The following MBD5 variants were observed in gnomAD, a reference collection of about 807,000 sequenced individuals.
MBD5 encodes the protein methyl-CpG-binding domain protein 5.
MBD5 carries 13 observed loss-of-function variants against 117.3 expected under a neutral mutation model. That is an observed-to-expected ratio of 0.11 (90% CI 0.07 to 0.18). The LOEUF is 0.18. Among genes scored for constraint, MBD5 ranks in the 10% least tolerant of loss-of-function variants. The pLI, the probability that MBD5 is intolerant of heterozygous loss-of-function variation, is 1.00. For missense variants in MBD5, 1,879 were observed against 2,093.8 expected (o/e 0.90, Z 2.00); for synonymous variants, 727 against 766.4 (o/e 0.95, Z 0.85).
At chr2:148,389,362 T>A (rs1005651903) in intron 4 of MBD5, among the ~76,000 whole-genome samples, 1 of 144,362 alleles carries the variant, frequency 6.9e-6, no homozygotes, top group East Asian at 2.1e-4. Flanking sequence ...ATTCCATGAC[T>A]TTTGCTATTG....
intron 1 of MBD5, among the ~76,000 whole-genome samples, chr2:148,057,538 TAC>T (rs1351414906): frequency 6.6e-6 from 1 of 151,908 alleles, no homozygotes; most frequent in Non-Finnish European, 1.5e-5. Flanking sequence ...GATTTCTATG[TAC>T]ATTTAATGGC....
intron 3 of MBD5, among the ~76,000 whole-genome samples, chr2:148,309,024 G>A (rs1701964432): frequency 6.6e-6 from 1 of 152,036 alleles, no homozygotes; most frequent in Admixed American, 6.6e-5. Context: ...TATCTGTTTT[G>A]GTACCAGTAT....
intron 1 of MBD5, among the ~76,000 whole-genome samples, chr2:148,036,712 A>G (rs1238821351): frequency 2.0e-5 from 3 of 152,062 alleles, no homozygotes; most frequent in Non-Finnish European, 4.4e-5. Flanking sequence ...CTTAACTGTC[A>G]TTCTTAGTAT....
At chr2:148,390,563 G>A (rs906367065) in intron 4 of MBD5, among the ~76,000 whole-genome samples, 2 of 147,664 alleles carry the variant, frequency 1.4e-5, no homozygotes, top group Admixed American at 1.4e-4. Context: ...GTGTATGTGT[G>A]TATATATATA....
intron 1 of MBD5, chr2:148,027,739 C>G (rs1279292905): frequency 6.6e-6 from 1 of 152,090 alleles, no homozygotes; most frequent in Non-Finnish European, 1.5e-5. Context: ...TTTATTGACT[C>G]TATCGTCCTG....
At chr2:148,280,961 T>G (rs1243749784) in intron 3 of MBD5, among the ~76,000 whole-genome samples, 2 of 152,248 alleles carry the variant, frequency 1.3e-5, no homozygotes, top group Admixed American at 1.3e-4. Context: ...TAACTATTGT[T>G]ACTTTACAGA....
chr2:148,297,964 A>G (rs1701694527), intron 3 of MBD5, among the ~76,000 whole-genome samples: 1 of 152,226 alleles, frequency 6.6e-6, no homozygotes, highest in Non-Finnish European at 1.5e-5. Context: ...TGGAACTACT[A>G]GCCTGAAGCT....
intron 4 of MBD5, among the ~76,000 whole-genome samples, chr2:148,357,144 C>T (rs901403211): frequency 2.6e-5 from 4 of 152,122 alleles, no homozygotes; most frequent in Admixed American, 6.6e-5. Flanking sequence ...TTAAAAGGTG[C>T]TATTTTTGGC....
intron 4 of MBD5, among the ~76,000 whole-genome samples, chr2:148,402,131 T>G (rs1704942856): frequency 6.6e-6 from 1 of 152,152 alleles, no homozygotes; most frequent in South Asian, 2.1e-4. Flanking sequence ...ACTGTAAAGT[T>G]GCTATTTTCC....
intron 1 of MBD5, among the ~76,000 whole-genome samples, chr2:148,023,064 G>T (rs543388531): frequency 6.7e-6 from 1 of 148,984 alleles, no homozygotes; most frequent in Non-Finnish European, 1.5e-5. Context: ...ACTCTCTTTC[G>T]CTCGCTCTCT....
chr2:148,116,243 G>A (rs1696638577), intron 1 of MBD5, among the ~76,000 whole-genome samples: 1 of 151,648 alleles, frequency 6.6e-6, no homozygotes, highest in Admixed American at 6.6e-5. Context: ...GAAATATAGA[G>A]TTCTTTATAG....
At chr2:148,308,124 T>C (rs1260203193) in intron 3 of MBD5, among the ~76,000 whole-genome samples, 2 of 152,136 alleles carry the variant, frequency 1.3e-5, no homozygotes, top group Non-Finnish European at 2.9e-5. Context: ...GTCCTTATAA[T>C]AGAGTGATAT....
intron 1 of MBD5, among the ~76,000 whole-genome samples, chr2:148,045,151 A>G (rs1322168680): frequency 6.6e-6 from 1 of 152,192 alleles, no homozygotes; most frequent in Non-Finnish European, 1.5e-5. Flanking sequence ...CTTACTTTTG[A>G]TAAGCGTACT....
chr2:148,373,088 G>T (rs1703900281), intron 4 of MBD5, among the ~76,000 whole-genome samples: 1 of 151,982 alleles, frequency 6.6e-6, no homozygotes, highest in African/African-American at 2.4e-5. Flanking sequence ...TTTTGATATG[G>T]CTACAATATT....
intron 1 of MBD5, among the ~76,000 whole-genome samples, chr2:148,107,081 G>C (rs1696390406): frequency 6.6e-6 from 1 of 151,868 alleles, no homozygotes; most frequent in South Asian, 2.1e-4. Context: ...ATAATATCCT[G>C]TGAGGATATT....
intron 4 of MBD5, among the ~76,000 whole-genome samples, chr2:148,437,889 A>T (rs776324172): frequency 6.6e-6 from 1 of 152,206 alleles, no homozygotes; most frequent in Non-Finnish European, 1.5e-5. Flanking sequence ...AAAAGCCTTA[A>T]TAGGTCACCA....
At chr2:148,026,086 G>A (rs1366173542) in intron 1 of MBD5, 2 of 152,166 alleles carry the variant, frequency 1.3e-5, no homozygotes, top group Non-Finnish European at 2.9e-5. Flanking sequence ...GCCTCTGCTG[G>A]TGCAGTATCT....
chr2:148,427,227 T>G (rs996395068), intron 4 of MBD5, among the ~76,000 whole-genome samples: 1 of 152,152 alleles, frequency 6.6e-6, no homozygotes, highest in Admixed American at 6.5e-5. Flanking sequence ...GTTCCACCAT[T>G]GTGGAAGTTG....
chr2:148,126,746 T>G (rs186356605), intron 1 of MBD5, among the ~76,000 whole-genome samples: 1 of 152,162 alleles, frequency 6.6e-6, no homozygotes, highest in Admixed American at 6.5e-5. Context: ...TAAAAAGCAG[T>G]TGGGAATCTC....
Sources: allele counts gnomAD v4.1 joint callset (sites outside exome capture counted in the v4.1 genomes callset), GRCh38; gene constraint gnomAD v4.1.1; transcripts MANE v1.5; gene names NCBI Gene and HGNC (gene_info 2026-07-23, HGNC 2026-07-21).